FER: variants seen among roughly 807,000 people sequenced by gnomAD.
FER encodes the protein tyrosine-protein kinase Fer.
In FER, 63 loss-of-function variants were observed where a neutral mutation model predicts 111.0. The ratio of observed to expected loss-of-function variants is 0.57; its 90% CI spans 0.46 to 0.70. The LOEUF (loss-of-function observed/expected upper bound fraction) is 0.70. Ranked by LOEUF, FER falls within the 30% of genes least tolerant of loss-of-function variation. The pLI is 0.00. For missense variants in FER, 914 were observed against 954.0 expected (o/e 0.96, Z 0.55); for synonymous variants, 327 against 313.9 (o/e 1.04, Z -0.44).
chr5:108,924,517 C>T (rs970793250), intron 10 of FER: 1 of 988,868 alleles, frequency 1.0e-6, no homozygotes, highest in Non-Finnish European at 1.3e-6. Context: ...TAGTATACTT[C>T]CATGCCAACA....
intron 3 of FER, among the ~76,000 whole-genome samples, chr5:108,801,257 T>C (rs1756611246): frequency 6.6e-6 from 1 of 152,264 alleles, no homozygotes; most frequent in South Asian, 2.1e-4. Flanking sequence ...TTGAAAACAC[T>C]AAGCTTTCTC....
chr5:109,044,582 AG>A (rs1234659476), intron 14 of FER, 97 bp from the exon 15 acceptor site: 2 of 592,372 alleles, frequency 3.4e-6, no homozygotes, highest in African/African-American at 3.8e-5. Context: ...ATTGACATGT[AG>A]GTAAGCACCT....
At chr5:109,110,517 C>T (rs1480928301) in intron 17 of FER, among the ~76,000 whole-genome samples, 1 of 152,082 alleles carries the variant, frequency 6.6e-6, no homozygotes, top group Non-Finnish European at 1.5e-5. Flanking sequence ...GTTACATGGC[C>T]AGATCATAAA....
intron 9 of FER, among the ~76,000 whole-genome samples, chr5:108,886,921 A>C (rs1392049727): frequency 1.3e-5 from 2 of 151,766 alleles, no homozygotes; most frequent in Non-Finnish European, 3.0e-5. Context: ...CTAAACACAT[A>C]GTCTGAAAGG....
intron 16 of FER, among the ~76,000 whole-genome samples, chr5:109,083,246 C>T (rs1022903221): frequency 1.3e-5 from 2 of 152,050 alleles, no homozygotes; most frequent in East Asian, 3.8e-4. Context: ...ATTTCCAGGA[C>T]ATGACAATTA....
chr5:108,875,133 A>T (rs1037015866), intron 8 of FER, among the ~76,000 whole-genome samples: 3 of 152,132 alleles, frequency 2.0e-5, no homozygotes, highest in Non-Finnish European at 4.4e-5. Flanking sequence ...TCAAGGTCTA[A>T]ATACATAGGA....
At chr5:108,808,757 C>T (rs6874497) in intron 3 of FER, among the ~76,000 whole-genome samples, 34,698 of 152,004 alleles carry the variant, frequency 0.23, 4,148 homozygotes, top group African/African-American at 0.28. Context: ...TTAGAACTCC[C>T]TTAAGGATCT....
chr5:109,052,018 A>G (rs939659420), intron 16 of FER: 15 of 1,593,320 alleles, frequency 9.4e-6, no homozygotes, highest in Non-Finnish European at 1.3e-5. Flanking sequence ...CCCCCCTTGC[A>G]TTTTCACCTT....
intron 17 of FER, among the ~76,000 whole-genome samples, chr5:109,105,888 G>C (rs1274584662): frequency 1.3e-5 from 2 of 152,192 alleles, no homozygotes; most frequent in African/African-American, 2.4e-5. Flanking sequence ...GATTCCAAAA[G>C]CCTGGAACAG....
chr5:109,191,184 T>C lies in FER; in HGVS notation c.*3609T>C, dbSNP rs1300029311. On this transcript the variant is annotated 3_prime_UTR_variant, in exon 20 of 20. Coordinates refer to ENST00000281092, the MANE Select transcript of FER (RefSeq NM_005246.4). ...ATGCAACAATCCAAATAAATTATAA[T>C]GTAACAATACAAATATCTGAATCAT... 1.3e-5 allele frequency: 2 copies of C among 152,170 alleles called. No individual in the cohort carries two copies. The highest frequency in any genetic ancestry group is 2.9e-5 in the Non-Finnish European group (2 of 68,020). 9.4% of individuals were successfully genotyped at this position (152,170 alleles called of 1,614,324 possible). A position where few individuals can be genotyped will look rare whatever the true frequency, so the allele number is the denominator to read the frequency against.
chr5:109,072,184 G>C (rs978188420), intron 16 of FER, among the ~76,000 whole-genome samples: 1 of 150,958 alleles, frequency 6.6e-6, no homozygotes, highest in Non-Finnish European at 1.5e-5. Context: ...TTTCAGGCAG[G>C]CTTGATTTTT....
intron 16 of FER, among the ~76,000 whole-genome samples, chr5:109,082,079 T>C (rs931070160): frequency 1.3e-5 from 2 of 152,040 alleles, no homozygotes; most frequent in Admixed American, 1.3e-4. Context: ...TGTACTTTAA[T>C]GATAAGTTAG....
intron 16 of FER, among the ~76,000 whole-genome samples, chr5:109,099,843 G>A (rs1461794987): frequency 6.6e-6 from 1 of 151,594 alleles, no homozygotes; most frequent in Non-Finnish European, 1.5e-5. Flanking sequence ...TTCTGGGTCA[G>A]TGAGTAAATC....
chr5:109,160,704 C>A (rs970224124), intron 17 of FER, among the ~76,000 whole-genome samples: 1 of 152,120 alleles, frequency 6.6e-6, no homozygotes, highest in African/African-American at 2.4e-5. Context: ...AGAAGCACTG[C>A]CTGCTCTTCT....
intron 3 of FER, among the ~76,000 whole-genome samples, chr5:108,800,904 G>A (rs1015478936): frequency 1.3e-5 from 2 of 152,096 alleles, no homozygotes; most frequent in African/African-American, 2.4e-5. Flanking sequence ...AAAATTAGCC[G>A]GGCGTGGTGG....
chr5:108,789,473 A>AT (rs1350898527), intron 2 of FER, among the ~76,000 whole-genome samples: 1 of 151,958 alleles, frequency 6.6e-6, no homozygotes, highest in Non-Finnish European at 1.5e-5. Flanking sequence ...TTCAGTCCTA[A>AT]TTCATATCTT....
intron 16 of FER, among the ~76,000 whole-genome samples, chr5:109,060,376 T>G (rs1033509659): frequency 1.3e-4 from 20 of 152,216 alleles, no homozygotes; most frequent in African/African-American, 4.6e-4. Context: ...TTTTAAGTTG[T>G]ATGAACTTAC....
chr5:108,768,377 A>G (rs919777679), intron 2 of FER, 139 bp downstream of exon 2: 2 of 151,968 alleles, frequency 1.3e-5, no homozygotes, highest in Non-Finnish European at 2.9e-5. Flanking sequence ...ACTGTTTTAT[A>G]TTTGTGTTTA....
intron 17 of FER, among the ~76,000 whole-genome samples, chr5:109,172,535 A>G (rs1470959740): frequency 6.8e-6 from 1 of 147,612 alleles, no homozygotes; most frequent in Non-Finnish European, 1.5e-5. Context: ...CCTAATGCTA[A>G]ATGACGAGTT....
Sources: allele counts gnomAD v4.1 joint callset (sites outside exome capture counted in the v4.1 genomes callset), GRCh38; gene constraint gnomAD v4.1.1; transcripts MANE v1.5; gene names NCBI Gene and HGNC (gene_info 2026-07-23, HGNC 2026-07-21).